VANGL1: variants seen among roughly 807,000 people sequenced by gnomAD.
VANGL1 encodes vang-like protein 1.
Under a neutral mutation model 48.4 loss-of-function variants are expected in VANGL1, and 18 were observed. That is an observed-to-expected ratio of 0.37 (90% CI 0.26 to 0.55). VANGL1 has a LOEUF of 0.55. Among genes scored for constraint, VANGL1 ranks in the 20% least tolerant of loss-of-function variants. VANGL1 has a pLI of 0.81. For missense variants in VANGL1, 667 were observed against 675.8 expected, an observed-to-expected ratio of 0.99 and a Z score of 0.14; for synonymous variants, 257 against 261.8, an observed-to-expected ratio of 0.98 and a Z score of 0.18.
In VANGL1 at chr1:115,663,804, C is replaced by T; in HGVS notation, c.348C>T (p.Ala116=). The T allele has an allele frequency of 1.2e-6, 2 of 1,614,218 alleles. No homozygotes were observed. Among genetic ancestry groups the T allele is most frequent in the Non-Finnish European group, 1.7e-6 (2 of 1,180,040 alleles). Residue 116 remains alanine (A), a synonymous_variant, in exon 4 of 8, where the codon GCC becomes GCT. Coordinates refer to ENST00000355485, the MANE Select transcript of VANGL1 (RefSeq NM_138959.3). The stretch of plus-strand genomic sequence containing the variant: ...AACGCTACCTGGGCCTCACCGTCGC[C>T]TCTTTTCTTGGACTTCTAGTTTTCC... The part of the protein sequence containing the change: ...DCKRYLGLTV[A]SFLGLLVFLT...
chr1:115,679,025 C>T (rs1227976703), intron 4 of VANGL1, among the ~76,000 whole-genome samples: 1 of 151,866 alleles, frequency 6.6e-6, no homozygotes, highest in Non-Finnish European at 1.5e-5. Flanking sequence ...TTAAGTTGTG[C>T]ACTTGAGTTT....
intron 7 of VANGL1, among the ~76,000 whole-genome samples, chr1:115,689,523 G>A (rs1204583603): frequency 7.3e-6 from 1 of 136,642 alleles, no homozygotes; most frequent in African/African-American, 2.8e-5. Context: ...TGTAATCCCA[G>A]CTACTCAGGA....
Position 115,683,988 on chromosome 1 carries a change from G to T in VANGL1, c.991G>T (p.Ala331Ser), listed in dbSNP as rs764418712. 5 of 1,614,012 alleles carry T rather than the reference G, an allele frequency of 3.1e-6. No homozygotes were observed. Among genetic ancestry groups the T allele is most frequent in the Non-Finnish European group, 3.4e-6 (4 of 1,180,010 alleles). Residue 331 changes from alanine to serine, a missense_variant, in exon 6 of 8, where the codon GCA (alanine) becomes TCA (serine). Transcript: ENST00000355485. ...ATGQSRAMIA[A>S]AARRRDSSHN... ...TGGCCAGTCCCGGGCCATGATTGCT[G>T]CAGCTGCTCGGCGCAGGGACTCAAG...
At chr1:115,656,447 C>T (rs1340052320) in intron 2 of VANGL1, among the ~76,000 whole-genome samples, 2 of 152,218 alleles carry the variant, frequency 1.3e-5, no homozygotes, top group African/African-American at 2.4e-5. Flanking sequence ...ATTTTGATTT[C>T]TGTTGTCTCC....
chr1:115,681,387 C>T lies in VANGL1; in HGVS notation c.813-977C>T, dbSNP rs749566858. Reference sequence around the variant, plus strand: ...GGGGATAGTTGGAGACCTAGAATATCGGAACATAGATAGTCACCTTCATAC... The same window carrying T: ...GGGGATAGTTGGAGACCTAGAATATTGGAACATAGATAGTCACCTTCATAC... On this transcript the variant is annotated intron_variant, in intron 4 of 7. Coordinates refer to ENST00000355485, the MANE Select transcript of VANGL1 (RefSeq NM_138959.3). 4.6e-5 allele frequency among the ~76,000 whole-genome samples: 7 copies of T among 152,092 alleles called. No homozygotes were observed. In the East Asian group the frequency reaches 7.7e-4, roughly 17 times the overall value.
chr1:115,678,323 G>A (rs553448069), intron 4 of VANGL1, among the ~76,000 whole-genome samples: 5 of 152,216 alleles, frequency 3.3e-5, no homozygotes, highest in Non-Finnish European at 5.9e-5. Flanking sequence ...GAGGAATCAA[G>A]GCAAGAGGAA....
At chr1:115,650,146 G>A (rs536321082) in intron 1 of VANGL1, among the ~76,000 whole-genome samples, 13 of 152,220 alleles carry the variant, frequency 8.5e-5, no homozygotes, top group African/African-American at 1.7e-4. Context: ...CTTATGTGTT[G>A]TTGCTGGGGT....
intron 5 of VANGL1, 104 bp from the exon 6 acceptor site, chr1:115,683,840 A>G (rs1570771558): frequency 2.1e-6 from 3 of 1,462,848 alleles, no homozygotes; most frequent in East Asian, 2.4e-5. Context: ...TGTGTGTTCC[A>G]TAGGGGGTGG....
intron 1 of VANGL1, among the ~76,000 whole-genome samples, chr1:115,648,715 G>A (rs766924868): frequency 6.6e-6 from 1 of 152,158 alleles, no homozygotes; most frequent in Admixed American, 6.5e-5. Flanking sequence ...GCTCAGAGAG[G>A]CAAACATTTG....
At chr1:115,660,900 G>C (rs952938218) in intron 3 of VANGL1, among the ~76,000 whole-genome samples, 7 of 152,156 alleles carry the variant, frequency 4.6e-5, no homozygotes, top group African/African-American at 1.7e-4. Flanking sequence ...TTGGCTCTGG[G>C]ATGGCTGATG....
rs1272615832 is a variant in VANGL1, at chr1:115,675,282, C to T, written c.813-7082C>T. 2.0e-5 allele frequency among the ~76,000 whole-genome samples: 3 copies of T among 151,952 alleles called. No homozygotes were observed. In the East Asian group the frequency reaches 5.8e-4, roughly 29 times the overall value. On this transcript the variant is annotated intron_variant, in intron 4 of 7. Transcript: ENST00000355485. ...TTTGGTAGGCTGAAATGGATGGATC[C>T]CTTAAGGCCAGAAGTTTGAGCCAGC...
At chr1:115,651,134 T>C in intron 1 of VANGL1, 143 bp from the exon 2 acceptor site, 1 of 439,408 alleles carries the variant, frequency 2.3e-6, no homozygotes, top group Non-Finnish European at 4.2e-6. Flanking sequence ...GGGTGGAGCA[T>C]TTACAGTTCA....
chr1:115,654,004 C>T (rs567119603), intron 2 of VANGL1, among the ~76,000 whole-genome samples: 20 of 152,120 alleles, frequency 1.3e-4, no homozygotes, highest in African/African-American at 3.9e-4. Flanking sequence ...CTAGAGAGCA[C>T]GGGCTGTGGT....
intron 3 of VANGL1, among the ~76,000 whole-genome samples, chr1:115,662,143 T>C (rs1032860409): frequency 8.5e-5 from 13 of 152,226 alleles, no homozygotes; most frequent in Non-Finnish European, 1.9e-4. Flanking sequence ...CTTTGCAAGT[T>C]GAAGGATTAT....
intron 3 of VANGL1, among the ~76,000 whole-genome samples, chr1:115,662,024 C>T (rs1206083679): frequency 6.6e-6 from 1 of 152,170 alleles, no homozygotes; most frequent in Non-Finnish European, 1.5e-5. Context: ...AGTGGTTTTC[C>T]AGAGGCACTG....
At chr1:115,666,323 C>T (rs12136690) in intron 4 of VANGL1, among the ~76,000 whole-genome samples, 28,092 of 152,160 alleles carry the variant, frequency 0.18, 3,116 homozygotes, top group South Asian at 0.31. Context: ...TCGCTCCTCC[C>T]TGTACGACTG....
chr1:115,662,826 GC>G (rs1252735860), intron 3 of VANGL1, among the ~76,000 whole-genome samples: 4 of 148,392 alleles, frequency 2.7e-5, no homozygotes, highest in Non-Finnish European at 4.4e-5. Flanking sequence ...TCACTCTGTA[GC>G]CCAGGCTGGA....
At chr1:115,667,725 A>G (rs546134061) in intron 4 of VANGL1, among the ~76,000 whole-genome samples, 3 of 152,360 alleles carry the variant, frequency 2.0e-5, no homozygotes, top group South Asian at 4.1e-4. Context: ...CGTTCTCACA[A>G]TAAGTTGCTA....
chr1:115,646,036 A>G (rs2101290056), intron 1 of VANGL1, among the ~76,000 whole-genome samples: 1 of 152,284 alleles, frequency 6.6e-6, no homozygotes, highest in East Asian at 1.9e-4. Flanking sequence ...ATCATAACAT[A>G]TTATTTCCTT....
Sources: gnomAD v4.1 joint callset for allele counts (sites outside exome capture counted in the v4.1 genomes callset) on GRCh38, gnomAD v4.1.1 for gene constraint, MANE v1.5 for transcripts, NCBI Gene and HGNC (gene_info 2026-07-23, HGNC 2026-07-21) for gene names.